QKI: variants seen among roughly 807,000 people sequenced by gnomAD.
QKI encodes the protein KH domain-containing RNA-binding protein QKI.
In QKI, 10 loss-of-function variants were observed where a neutral mutation model predicts 39.0. The observed-to-expected ratio is 0.26, with a 90% confidence interval of 0.16 to 0.43. QKI has a LOEUF of 0.43. Ranked by LOEUF, QKI falls within the 20% of genes least tolerant of loss-of-function variation. QKI has a pLI of 1.00. For missense variants in QKI, 218 were observed against 428.0 expected (o/e 0.51, Z 4.33); for synonymous variants, 204 against 155.4 (o/e 1.31, Z -2.33).
intron 3 of QKI, among the ~76,000 whole-genome samples, chr6:163,494,900 C>CT (rs1203388526): frequency 3.7e-4 from 55 of 150,106 alleles, no homozygotes; most frequent in South Asian, 2.1e-4. Context: ...CATAAGGTGT[C>CT]TTTTTTTATT....
chr6:163,439,775 G>A (rs949646972), intron 1 of QKI, among the ~76,000 whole-genome samples: 4 of 150,124 alleles, frequency 2.7e-5, no homozygotes, highest in Non-Finnish European at 5.9e-5. Context: ...TCAGCCTCCC[G>A]AGTAGCAGGT....
intron 3 of QKI, among the ~76,000 whole-genome samples, chr6:163,488,295 A>C (rs1167195811): frequency 1.3e-5 from 2 of 152,068 alleles, no homozygotes; most frequent in Non-Finnish European, 2.9e-5. Flanking sequence ...GGAATCAGCC[A>C]ATTTTTTAGG....
intron 1 of QKI, among the ~76,000 whole-genome samples, chr6:163,433,191 T>C (rs1005930248): frequency 2.0e-5 from 3 of 152,208 alleles, no homozygotes; most frequent in Non-Finnish European, 4.4e-5. Context: ...GGATATATCA[T>C]AGTGATGTTG....
At chr6:163,417,515 G>A (rs371375483) in intron 1 of QKI, among the ~76,000 whole-genome samples, 17 of 152,262 alleles carry the variant, frequency 1.1e-4, no homozygotes, top group African/African-American at 4.1e-4. Flanking sequence ...TAAATTTAGA[G>A]CTGATTCCTT....
intron 4 of QKI, among the ~76,000 whole-genome samples, chr6:163,550,754 G>A (rs1782179329): frequency 6.6e-6 from 1 of 152,006 alleles, no homozygotes; most frequent in Non-Finnish European, 1.5e-5. Flanking sequence ...AGACCATCCT[G>A]GCTAACACAG....
intron 1 of QKI, among the ~76,000 whole-genome samples, chr6:163,442,758 G>GA (rs1237118672): frequency 6.6e-6 from 1 of 152,178 alleles, no homozygotes; most frequent in East Asian, 1.9e-4. Flanking sequence ...GATAGGTTGA[G>GA]AAGGGAGTTG....
chr6:163,570,477 CTTCA>C (rs1783639172), intron 7 of QKI: 5 of 935,540 alleles, frequency 5.3e-6, no homozygotes, highest in African/African-American at 4.7e-5. Flanking sequence ...GTGGGCTCTT[CTTCA>C]TTTGTTCAAA....
At chr6:163,527,667 C>G (rs545749532) in intron 3 of QKI, among the ~76,000 whole-genome samples, 25 of 152,176 alleles carry the variant, frequency 1.6e-4, no homozygotes, top group African/African-American at 5.8e-4. Flanking sequence ...TAAAGTTTTT[C>G]AAAAATCCAA....
chr6:163,417,577 A>G (rs1415126025), intron 1 of QKI, among the ~76,000 whole-genome samples: 1 of 152,300 alleles, frequency 6.6e-6, no homozygotes, highest in East Asian at 1.9e-4. Flanking sequence ...TTTCAAATCC[A>G]GAAATTTCAA....
In QKI at chr6:163,455,068, G is replaced by A. The variant is rs783140; in HGVS notation, c.143-211G>A. On this transcript the variant is annotated intron_variant, in intron 1 of 7. Coordinates refer to ENST00000361752, the MANE Select transcript of QKI (RefSeq NM_006775.3). ...TTTAATAAGATATGTTATTTGATTC[G>A]TATAAAAATTGGTTTGTAGTAGAAA... 119 of 355,768 alleles carry A rather than the reference G, an allele frequency of 3.3e-4. No homozygotes were observed. In the East Asian group the frequency reaches 4.4e-3, roughly 13 times the overall value. 22.0% of individuals were successfully genotyped at this position (355,768 alleles called of 1,614,324 possible).
intron 1 of QKI, among the ~76,000 whole-genome samples, chr6:163,419,602 G>T (rs1316885987): frequency 6.6e-6 from 1 of 152,144 alleles, no homozygotes; most frequent in East Asian, 1.9e-4. Flanking sequence ...CCCAGGAGGT[G>T]TCAGCAGCTA....
intron 3 of QKI, among the ~76,000 whole-genome samples, chr6:163,521,521 C>A (rs1227237712): frequency 6.6e-6 from 1 of 152,000 alleles, no homozygotes; most frequent in Admixed American, 6.6e-5. Context: ...TTGGGGCAGG[C>A]AGTTAGATAT....
rs1343168808 is a variant in QKI, at chr6:163,576,460, TA to T, written c.*5754del. On this transcript the variant is annotated 3_prime_UTR_variant, in exon 8 of 8. Coordinates refer to ENST00000361752, the MANE Select transcript of QKI (RefSeq NM_006775.3). ...TGTGGGAAGATCTCAGCTTCCAGGG[TA>T]AAAGTTAATTTATAACTTAAAAGTG... 1.3e-5 allele frequency: 2 copies of T among 152,196 alleles called. No homozygotes were observed. Among genetic ancestry groups the T allele is most frequent in the Non-Finnish European group, 2.9e-5 (2 of 68,038 alleles). The allele number at this position is 152,196 out of a possible 1,614,324, so 9.4% of individuals were successfully genotyped here.
At chr6:163,428,930 C>G (rs1762008481) in intron 1 of QKI, 1 of 152,090 alleles carries the variant, frequency 6.6e-6, no homozygotes, top group African/African-American at 2.4e-5. Context: ...GCTCCCCAGC[C>G]CCACTTTTTT....
At chr6:163,570,164 TTA>T (rs1164502351) in intron 7 of QKI, 1 of 985,680 alleles carries the variant, frequency 1.0e-6, no homozygotes, top group Non-Finnish European at 1.2e-6. Flanking sequence ...GGCCCAGAGT[TTA>T]TGTTGAACCA....
chr6:163,492,356 C>A (rs1433532401), intron 3 of QKI, among the ~76,000 whole-genome samples: 1 of 152,060 alleles, frequency 6.6e-6, no homozygotes, highest in Non-Finnish European at 1.5e-5. Flanking sequence ...TGTTAACTCT[C>A]GATTTTAAAT....
Position 163,458,076 on chromosome 6 carries a change from G to GT in QKI, c.285+2656dup, listed in dbSNP as rs543511069. Among the ~76,000 whole-genome samples the GT allele has an allele frequency of 1.1e-3, 160 of 152,260 alleles. 3 individuals are homozygous for GT. In the South Asian group the frequency reaches 0.032, roughly 30 times the overall value. Reference sequence around the variant, plus strand: ...GGCAGGAATGTGCTTGGGAAGTGTTGTAAGATGTGAGGTTAGAGAGTTAGC... The same window carrying GT: ...GGCAGGAATGTGCTTGGGAAGTGTTGTTAAGATGTGAGGTTAGAGAGTTAGC... On this transcript the variant is annotated intron_variant, in intron 2 of 7. Transcript: ENST00000361752.
chr6:163,489,909 T>C (rs1250488108), intron 3 of QKI, among the ~76,000 whole-genome samples: 1 of 152,218 alleles, frequency 6.6e-6, no homozygotes. Context: ...TGAGAAATGG[T>C]TTTTTTCTCG....
chr6:163,537,662 G>A (rs1315393017), intron 4 of QKI, among the ~76,000 whole-genome samples: 1 of 152,112 alleles, frequency 6.6e-6, no homozygotes, highest in Non-Finnish European at 1.5e-5. Flanking sequence ...TATTCTGTTG[G>A]GTAGTTTAGA....
Sources: allele counts gnomAD v4.1 joint callset (sites outside exome capture counted in the v4.1 genomes callset), GRCh38; gene constraint gnomAD v4.1.1; transcripts MANE v1.5; gene names NCBI Gene and HGNC (gene_info 2026-07-23, HGNC 2026-07-21).